The following AKR1D1 variants were observed in gnomAD, a reference collection of about 807,000 sequenced individuals.
AKR1D1 encodes the protein aldo-keto reductase family 1 member D1.
A neutral mutation model predicts 42.6 loss-of-function variants in AKR1D1; 32 were observed. The observed-to-expected ratio is 0.75, with a 90% CI of 0.57 to 1.01. AKR1D1 has a LOEUF of 1.01. Ranked by LOEUF, AKR1D1 falls within the 50% of genes least tolerant of loss-of-function variation. AKR1D1 has a pLI of 0.00. For missense variants in AKR1D1, 364 were observed against 402.2 expected (o/e 0.91, Z 0.81); for synonymous variants, 123 against 135.5 (o/e 0.91, Z 0.64).
intron 1 of AKR1D1, among the ~76,000 whole-genome samples, chr7:138,085,758 A>T (rs553471268): frequency 1.3e-5 from 2 of 152,058 alleles, no homozygotes; most frequent in South Asian, 4.2e-4. Context: ...TACTTTCTTT[A>T]TCCTAAATGC....
intron 1 of AKR1D1, 88 bp from the exon 2 acceptor site, chr7:138,088,513 G>T (rs1018173900): frequency 2.1e-6 from 3 of 1,414,446 alleles, no homozygotes; most frequent in African/African-American, 2.8e-5. Flanking sequence ...AGCTGTAAAG[G>T]AATGTACATG....
intron 5 of AKR1D1, 120 bp from the exon 6 acceptor site, chr7:138,106,488 T>C (rs539166917): frequency 4.0e-6 from 3 of 756,174 alleles, no homozygotes; most frequent in Non-Finnish European, 7.1e-6. Flanking sequence ...GAAATGTATA[T>C]AGTATGAAGG....
rs1793985507 is a variant in AKR1D1, at chr7:138,088,617, G to C, written c.110G>C (p.Cys37Ser). Residue 37 changes from cysteine (C) to serine (S), a missense_variant, in exon 2 of 9, where the codon TGT becomes TCT. Coordinates refer to ENST00000242375, the MANE Select transcript of AKR1D1 (RefSeq NM_005989.4). The part of the protein sequence containing the change: ...SEPKSTPKGA[C>S]ATSVKVAIDT... Reference sequence around the variant, plus strand: ...TCACTTCAGACCCCTAAGGGAGCCTGTGCAACATCGGTGAAGGTTGCTATT... The same window carrying C: ...TCACTTCAGACCCCTAAGGGAGCCTCTGCAACATCGGTGAAGGTTGCTATT... 1 of 1,614,092 alleles carries C rather than the reference G, an allele frequency of 6.2e-7. No homozygotes were observed. Among genetic ancestry groups the C allele is most frequent in the African/African-American group, 1.3e-5 (1 of 74,946 alleles).
At chr7:138,090,236 T>G (rs1301994169) in intron 2 of AKR1D1, among the ~76,000 whole-genome samples, 4 of 152,138 alleles carry the variant, frequency 2.6e-5, no homozygotes, top group Non-Finnish European at 4.4e-5. Context: ...ACTACTCTCT[T>G]CATGTTAAAT....
intron 2 of AKR1D1, 83 bp from the exon 3 acceptor site, chr7:138,091,685 G>T (rs1178086338): frequency 9.3e-7 from 1 of 1,070,878 alleles, no homozygotes; most frequent in East Asian, 2.4e-5. Flanking sequence ...AAATGTGTAC[G>T]AGTGTTTTAC....
intron 3 of AKR1D1, among the ~76,000 whole-genome samples, chr7:138,094,530 A>G (rs1217237208): frequency 6.6e-6 from 1 of 151,640 alleles, no homozygotes; most frequent in African/African-American, 2.4e-5. Context: ...AAAAAAGAAA[A>G]AAGAGTGGGG....
intron 4 of AKR1D1, among the ~76,000 whole-genome samples, chr7:138,102,971 T>C (rs1444489239): frequency 6.6e-6 from 1 of 152,242 alleles, no homozygotes; most frequent in Non-Finnish European, 1.5e-5. Context: ...AGTATTCCAC[T>C]GGAGGTGTTC....
At chr7:138,079,470 G>A (rs988241314) in intron 1 of AKR1D1, among the ~76,000 whole-genome samples, 3 of 152,076 alleles carry the variant, frequency 2.0e-5, no homozygotes, top group African/African-American at 4.8e-5. Context: ...ACTAACACTC[G>A]GGGGACTATT....
chr7:138,105,939 G>GA (rs1794416901), intron 5 of AKR1D1, among the ~76,000 whole-genome samples: 3 of 150,998 alleles, frequency 2.0e-5, no homozygotes, highest in East Asian at 1.9e-4. Flanking sequence ...AAAAAAATGA[G>GA]AAAAAACACT....
At chr7:138,108,720 C>A (rs1794480179) in intron 7 of AKR1D1, among the ~76,000 whole-genome samples, 1 of 152,096 alleles carries the variant, frequency 6.6e-6, no homozygotes, top group African/African-American at 2.4e-5. Context: ...GAACAAATGT[C>A]AAGAGATCTA....
intron 8 of AKR1D1, among the ~76,000 whole-genome samples, chr7:138,114,317 T>G (rs546441381): frequency 6.6e-6 from 1 of 152,290 alleles, no homozygotes; most frequent in African/African-American, 2.4e-5. Flanking sequence ...AATGTCAAGT[T>G]CAGCTAACCA....
intron 2 of AKR1D1, among the ~76,000 whole-genome samples, chr7:138,090,029 T>A (rs200093597): frequency 0.14 from 21,009 of 152,132 alleles, 1,499 homozygotes; most frequent in South Asian, 0.18. Flanking sequence ...TACAAAGCAC[T>A]CACACCGAAC....
intron 7 of AKR1D1, among the ~76,000 whole-genome samples, chr7:138,109,460 A>G (rs1235491982): frequency 6.6e-6 from 1 of 152,168 alleles, no homozygotes; most frequent in East Asian, 1.9e-4. Context: ...ATGATCAGAA[A>G]CAAAGTCTTC....
rs1562935770 is a variant in AKR1D1 at position 138,101,170 on chromosome 7, TCCCTCCCTCCCTCCCTCCCTC to T, written c.456+3230_456+3250del. ...TTCTTTCCCTCCCTCCCTCCCTCCC[TCCCTCCCTCCCTCCCTCCCTC>T]CCTTCCTTCCTTCCTTCCTTCCTTC... On this transcript the variant is annotated intron_variant, in intron 4 of 8. Transcript: ENST00000242375. Among the ~76,000 whole-genome samples, 58 of 29,180 alleles carry T rather than the reference TCCCTCCCTCCCTCCCTCCCTC, an allele frequency of 2.0e-3. 1 individual carries two copies. Among genetic ancestry groups the T allele is most frequent in the Non-Finnish European group, 1.3e-3 (20 of 15,914 alleles). 19.1% of individuals were successfully genotyped at this position (29,180 alleles called of 152,430 possible). A position where few individuals can be genotyped will look rare whatever the true frequency, so the allele number is the denominator to read the frequency against.
intron 1 of AKR1D1, among the ~76,000 whole-genome samples, chr7:138,080,241 A>T (rs1342601837): frequency 6.6e-6 from 1 of 152,122 alleles, no homozygotes; most frequent in East Asian, 1.9e-4. Flanking sequence ...TCCATTTTTT[A>T]AAATTCTTAA....
chr7:138,079,243 T>G (rs915697302), intron 1 of AKR1D1, among the ~76,000 whole-genome samples: 1 of 152,094 alleles, frequency 6.6e-6, no homozygotes, highest in Non-Finnish European at 1.5e-5. Flanking sequence ...ACCAAGTAAT[T>G]TTTTCAGATC....
intron 2 of AKR1D1, 91 bp downstream of exon 2, chr7:138,088,859 A>G: frequency 2.7e-6 from 2 of 751,314 alleles, no homozygotes; most frequent in African/African-American, 2.0e-5. Flanking sequence ...TGTGTGTGTA[A>G]TTGCACTCAT....
At chr7:138,084,514 A>AG (rs1390489697) in intron 1 of AKR1D1, among the ~76,000 whole-genome samples, 12 of 152,016 alleles carry the variant, frequency 7.9e-5, no homozygotes, top group Non-Finnish European at 1.8e-4. Flanking sequence ...CCACTGCGCC[A>AG]GCATAATCCA....
intron 6 of AKR1D1, chr7:138,107,106 G>C: frequency 1.8e-6 from 1 of 556,426 alleles, no homozygotes; most frequent in South Asian, 1.7e-5. Flanking sequence ...CAAAAGTTGT[G>C]TCTCTATTTC....
Sources: allele counts gnomAD v4.1 joint callset (sites outside exome capture counted in the v4.1 genomes callset), GRCh38; gene constraint gnomAD v4.1.1; transcripts MANE v1.5; gene names NCBI Gene and HGNC (gene_info 2026-07-23, HGNC 2026-07-21).